ESYT2: variants seen among roughly 807,000 people sequenced by gnomAD.
The protein encoded by ESYT2 is extended synaptotagmin 2.
A neutral mutation model predicts 107.2 loss-of-function variants in ESYT2; 54 were observed. That is an observed-to-expected ratio of 0.50 (90% CI 0.40 to 0.63). The LOEUF (loss-of-function observed/expected upper bound fraction) is 0.63. Among genes scored for constraint, ESYT2 ranks in the 30% least tolerant of loss-of-function variants. ESYT2 has a pLI of 0.00. For synonymous variants in ESYT2, 491 were observed against 434.1 expected (o/e 1.13, Z -1.63); for missense variants, 1,020 against 1,094.5 (o/e 0.93, Z 0.96).
At chr7:158,738,621 G>T (rs35242235) in intron 19 of ESYT2, among the ~76,000 whole-genome samples, 34,844 of 151,656 alleles carry the variant, frequency 0.23, 4,792 homozygotes, top group East Asian at 0.59. Flanking sequence ...CACGTGGCTA[G>T]TTTGTATTTT....
intron 1 of ESYT2, among the ~76,000 whole-genome samples, chr7:158,817,935 T>C (rs980157804): frequency 1.3e-5 from 2 of 152,240 alleles, no homozygotes; most frequent in Non-Finnish European, 2.9e-5. Context: ...ATAATATTTA[T>C]GGCATGAAGT....
intron 4 of ESYT2, among the ~76,000 whole-genome samples, chr7:158,789,799 G>A (rs1464218503): frequency 6.6e-6 from 1 of 152,204 alleles, no homozygotes; most frequent in African/African-American, 2.4e-5. Context: ...CAGGATACTT[G>A]GCATATGTTA....
At position 158,736,988 on chromosome 7, in the gene ESYT2, G is replaced by A. The variant is rs1298068634; in HGVS notation, c.2399+60C>T. ...TGGCCACTCAAAGGCACCATTTAGG[G>A]CCTTCTTAATCCGTCACTTCAACCG... On this transcript the variant is annotated intron_variant, in intron 20 of 22. Transcript: ENST00000275418. 1.0e-5 allele frequency: 16 copies of A among 1,599,006 alleles called. No individual in the cohort carries two copies. In the Admixed American group the frequency reaches 2.5e-4, roughly 25 times the overall value.
In ESYT2 at chr7:158,759,454, G is replaced by T. The variant is rs145413440; in HGVS notation, c.1419+32C>A. The T allele has an allele frequency of 6.5e-4, 995 of 1,535,052 alleles. 3 individuals carry two copies. Among genetic ancestry groups the T allele is most frequent in the Admixed American group, 1.9e-3 (112 of 57,594 alleles). Reference sequence around the variant, plus strand: ...AGCAAGAGCAGCTGCTAGGAAATACGCACCCACAGGTGTTACCACTGTGTT... The same window carrying T: ...AGCAAGAGCAGCTGCTAGGAAATACTCACCCACAGGTGTTACCACTGTGTT... On this transcript the variant is annotated intron_variant, in intron 13 of 22. Transcript: ENST00000275418.
chr7:158,797,576 C>T (rs989571195), intron 3 of ESYT2, among the ~76,000 whole-genome samples: 2 of 151,884 alleles, frequency 1.3e-5, no homozygotes, highest in Admixed American at 1.3e-4. Flanking sequence ...TGTTTTTCGG[C>T]CAGGCGCGGT....
chr7:158,747,935 T>C (rs1837458011), intron 16 of ESYT2, among the ~76,000 whole-genome samples: 2 of 152,204 alleles, frequency 1.3e-5, no homozygotes, highest in South Asian at 2.1e-4. Flanking sequence ...CACCAGAGAA[T>C]ATAGACAACT....
intron 17 of ESYT2, among the ~76,000 whole-genome samples, chr7:158,743,185 T>C (rs1034230716): frequency 6.6e-6 from 1 of 152,224 alleles, no homozygotes; most frequent in African/African-American, 2.4e-5. Context: ...AGTTAAGACT[T>C]AGGAGAAAAC....
chr7:158,763,527 T>C (rs1838050006), intron 9 of ESYT2, among the ~76,000 whole-genome samples: 1 of 152,136 alleles, frequency 6.6e-6, no homozygotes, highest in Non-Finnish European at 1.5e-5. Flanking sequence ...ACTCCTGACC[T>C]TAAATGATCC....
chr7:158,765,651 C>T (rs1838131155), intron 8 of ESYT2, among the ~76,000 whole-genome samples: 1 of 152,108 alleles, frequency 6.6e-6, no homozygotes, highest in East Asian at 1.9e-4. Context: ...TGTGAGAATC[C>T]CTTGAACCCA....
chr7:158,782,366 G>A (rs920036901), intron 6 of ESYT2, among the ~76,000 whole-genome samples: 1 of 136,942 alleles, frequency 7.3e-6, no homozygotes, highest in South Asian at 2.6e-4. Context: ...GTGAGTGAAC[G>A]AGTGTGAGAA....
At chr7:158,766,952 C>G (rs1405892881) in intron 8 of ESYT2, among the ~76,000 whole-genome samples, 1 of 152,170 alleles carries the variant, frequency 6.6e-6, no homozygotes, top group Non-Finnish European at 1.5e-5. Flanking sequence ...ATCTCATGTT[C>G]TTGACTACTT....
At chr7:158,801,400 G>A (rs1039287077) in intron 1 of ESYT2, among the ~76,000 whole-genome samples, 1 of 152,182 alleles carries the variant, frequency 6.6e-6, no homozygotes, top group Admixed American at 6.5e-5. Context: ...AAAAGAGAAA[G>A]AGAATATATC....
intron 18 of ESYT2, among the ~76,000 whole-genome samples, chr7:158,739,771 A>T (rs551027279): frequency 6.8e-6 from 1 of 147,650 alleles, no homozygotes; most frequent in South Asian, 2.1e-4. Context: ...CCTGACCACA[A>T]CAGGACGGGA....
intron 1 of ESYT2, among the ~76,000 whole-genome samples, chr7:158,800,370 A>G (rs994061965): frequency 2.0e-5 from 3 of 151,868 alleles, no homozygotes; most frequent in Admixed American, 1.3e-4. Context: ...TTTAGCCCCA[A>G]TGGCAGAGAA....
chr7:158,808,806 T>TA (rs56268365), intron 1 of ESYT2, among the ~76,000 whole-genome samples: 15,905 of 138,150 alleles, frequency 0.12, 914 homozygotes, highest in African/African-American at 0.13. Context: ...CCATCTCTAC[T>TA]AAAAAAAAAA....
intron 1 of ESYT2, among the ~76,000 whole-genome samples, chr7:158,828,409 G>A (rs1005613196): frequency 1.3e-5 from 2 of 152,254 alleles, no homozygotes. Flanking sequence ...CCCCTAAGGA[G>A]ACCCCGCGGG....
chr7:158,768,208 G>T (rs1301106867), intron 7 of ESYT2, among the ~76,000 whole-genome samples: 2 of 152,066 alleles, frequency 1.3e-5, no homozygotes, highest in African/African-American at 4.8e-5. Context: ...TATAAGTACA[G>T]AGAATAACAT....
intron 16 of ESYT2, 100 bp downstream of exon 16, chr7:158,748,094 G>A: frequency 9.6e-7 from 1 of 1,042,794 alleles, no homozygotes; most frequent in African/African-American, 1.6e-5. Context: ...TTCTGGCGAT[G>A]GATCCCCAGG....
chr7:158,731,960 T>C lies in ESYT2; in HGVS notation c.*2247A>G, dbSNP rs13232511. 0.26 allele frequency: 38,913 copies of C among 152,010 alleles called. 6,096 individuals carry two copies. Among genetic ancestry groups the C allele is most frequent in the East Asian group, 0.6 (3,092 of 5,146 alleles). The allele number at this position is 152,010 out of a possible 1,614,324, so 9.4% of individuals were successfully genotyped here. On this transcript the variant is annotated 3_prime_UTR_variant, in exon 23 of 23. Coordinates refer to ENST00000275418, the MANE Select transcript of ESYT2 (RefSeq NM_001367773.1). Reference sequence around the variant, plus strand: ...TTTAAAAGAGAATGGAGGCAGCTACTGGAGGCCAAGCACCTCCAGGCACTC... The same window carrying C: ...TTTAAAAGAGAATGGAGGCAGCTACCGGAGGCCAAGCACCTCCAGGCACTC...
Sources: allele counts gnomAD v4.1 joint callset (sites outside exome capture counted in the v4.1 genomes callset), GRCh38; gene constraint gnomAD v4.1.1; transcripts MANE v1.5; gene names NCBI Gene and HGNC (gene_info 2026-07-23, HGNC 2026-07-21).